OSMR: variants seen among roughly 807,000 people sequenced by gnomAD.
The protein encoded by OSMR is oncostatin M receptor, also known as oncostatin-M-specific receptor subunit beta.
In OSMR, 81 loss-of-function variants were observed where a neutral mutation model predicts 99.9. The observed-to-expected ratio is 0.81, with a 90% CI of 0.68 to 0.97. The LOEUF (loss-of-function observed/expected upper bound fraction) is 0.97. Among genes scored for constraint, OSMR ranks in the 50% least tolerant of loss-of-function variants. OSMR has a pLI of 0.00. For synonymous variants in OSMR, 406 were observed against 410.4 expected, an observed-to-expected ratio of 0.99 and a Z score of 0.13; for missense variants, 1,099 against 1,153.4, an observed-to-expected ratio of 0.95 and a Z score of 0.68.
Position 38,934,423 on chromosome 5 carries a change from C to A in OSMR, c.*979C>A, listed in dbSNP as rs1746922734. On this transcript the variant is annotated 3_prime_UTR_variant, in exon 18 of 18. Coordinates refer to ENST00000274276, the MANE Select transcript of OSMR (RefSeq NM_003999.3). ...ATTGTTGGACATAATTTAGATATAA[C>A]TAAAAAGTTCTATGAAGTGGGAAAT... 1 of 152,086 alleles carries A rather than the reference C, an allele frequency of 6.6e-6. No individual in the cohort carries two copies. The highest frequency in any genetic ancestry group is 2.4e-5 in the African/African-American group (1 of 41,402). 9.4% of individuals were successfully genotyped at this position (152,086 alleles called of 1,614,324 possible). A position where few individuals can be genotyped will look rare whatever the true frequency, so the allele number is the denominator to read the frequency against.
At chr5:38,912,146 T>A (rs1175821204) in intron 9 of OSMR, among the ~76,000 whole-genome samples, 1 of 151,504 alleles carries the variant, frequency 6.6e-6, no homozygotes, top group South Asian at 2.1e-4. Context: ...TGTTTGCAGG[T>A]GATATGATTG....
At chr5:38,893,634 A>T (rs1024669060) in intron 7 of OSMR, among the ~76,000 whole-genome samples, 16 of 151,920 alleles carry the variant, frequency 1.1e-4, no homozygotes, top group Non-Finnish European at 2.1e-4. Context: ...AGTAAAGATA[A>T]TTTTAAAAAA....
At chr5:38,927,438 A>G (rs748682075) in intron 15 of OSMR, among the ~76,000 whole-genome samples, 3 of 152,218 alleles carry the variant, frequency 2.0e-5, no homozygotes, top group Non-Finnish European at 4.4e-5. Flanking sequence ...CCAAACCTCA[A>G]TTCTTGACTT....
intron 9 of OSMR, among the ~76,000 whole-genome samples, chr5:38,908,199 G>C (rs1419586686): frequency 6.6e-6 from 1 of 152,150 alleles, no homozygotes; most frequent in Non-Finnish European, 1.5e-5. Context: ...TGCATGCATG[G>C]ATGCTGGCAA....
chr5:38,903,279 C>T (rs1220442306), intron 7 of OSMR, among the ~76,000 whole-genome samples: 3 of 152,230 alleles, frequency 2.0e-5, no homozygotes, highest in Non-Finnish European at 4.4e-5. Context: ...GTCCCCAAGG[C>T]TGCGGAGAGC....
chr5:38,944,321 T>C (rs1747935639), intron 2 of OSMR: 10 of 914,644 alleles, frequency 1.1e-5, no homozygotes, highest in Non-Finnish European at 1.6e-5. Context: ...CTCACACAGG[T>C]ATGCAATGCA....
At chr5:38,938,444 A>C (rs1747204485), downstream of OSMR, 6 of 231,774 alleles carry the variant, frequency 2.6e-5, no homozygotes, top group Admixed American at 3.4e-4. Flanking sequence ...GTGCTAAATC[A>C]ACCAAGTAGC....
chr5:38,881,908 A>C (rs1743320418), intron 4 of OSMR, 144 bp downstream of exon 4: 1 of 713,576 alleles, frequency 1.4e-6, no homozygotes, highest in Non-Finnish European at 2.4e-6. Flanking sequence ...GAACTAAAAA[A>C]CACAGGTGTG....
chr5:38,879,198 C>G (rs768313478), intron 3 of OSMR, among the ~76,000 whole-genome samples: 1 of 152,200 alleles, frequency 6.6e-6, no homozygotes, highest in Non-Finnish European at 1.5e-5. Context: ...CTGAGCAGGC[C>G]CAACAGGCAT....
At position 38,925,297 on chromosome 5, in the gene OSMR, T is replaced by C; in HGVS notation, c.2138T>C (p.Phe713Ser). The C allele has an allele frequency of 2.5e-6, 4 of 1,614,158 alleles. No individual in the cohort carries two copies. Among genetic ancestry groups the C allele is most frequent in the East Asian group, 2.2e-5 (1 of 44,862 alleles). Residue 713 changes from phenylalanine (F) to serine (S), a missense_variant, in exon 15 of 18, where the codon TTC (phenylalanine) becomes TCC (serine). Transcript: ENST00000274276. The part of the protein sequence containing the change: ...NLKPESFYEF[F>S]ITPFTSAGEG... ...AAGCCAGAATCCTTCTATGAGTTTT[T>C]CATCACTCCATTCACTAGTGCTGGT...
At chr5:38,939,734 TA>T (rs1395500392), downstream of OSMR, 6 of 228,486 alleles carry the variant, frequency 2.6e-5, no homozygotes, top group Non-Finnish European at 5.2e-5. Flanking sequence ...AGATTAATCC[TA>T]AAATCTTTAA....
intron 7 of OSMR, among the ~76,000 whole-genome samples, chr5:38,902,031 A>G (rs1744929193): frequency 6.6e-6 from 1 of 152,220 alleles, no homozygotes; most frequent in African/African-American, 2.4e-5. Flanking sequence ...AGCCTGTGAT[A>G]GTCCATGGTT....
chr5:38,912,675 ATAC>A (rs1300198725), intron 9 of OSMR, among the ~76,000 whole-genome samples: 2 of 152,210 alleles, frequency 1.3e-5, no homozygotes, highest in Non-Finnish European at 2.9e-5. Context: ...AGTTCAAACT[ATAC>A]TACAAGATTA....
chr5:38,861,932 C>G (rs1246841482), intron 1 of OSMR, among the ~76,000 whole-genome samples: 2 of 128,900 alleles, frequency 1.6e-5, no homozygotes, highest in Non-Finnish European at 3.4e-5. Flanking sequence ...GCTGACCCCC[C>G]CACCTCCCAC....
intron 1 of OSMR, among the ~76,000 whole-genome samples, chr5:38,858,899 G>T (rs922659766): frequency 6.6e-6 from 1 of 152,152 alleles, no homozygotes; most frequent in African/African-American, 2.4e-5. Flanking sequence ...TGGGCCATTT[G>T]TATGTCTTCT....
At chr5:38,943,019 C>T (rs546100824) in intron 1 of OSMR, 3 of 1,400,908 alleles carry the variant, frequency 2.1e-6, no homozygotes, top group African/African-American at 2.8e-5. Context: ...CATGATGTAT[C>T]TATTTTTCCT....
chr5:38,914,336 C>T (rs1293008185), intron 9 of OSMR, among the ~76,000 whole-genome samples: 2 of 152,082 alleles, frequency 1.3e-5, no homozygotes, highest in Non-Finnish European at 2.9e-5. Flanking sequence ...GGACACAAGT[C>T]AAAATGGCTA....
chr5:38,930,512 T>C (rs1397500381), intron 15 of OSMR, among the ~76,000 whole-genome samples: 1 of 152,124 alleles, frequency 6.6e-6, no homozygotes, highest in East Asian at 1.9e-4. Flanking sequence ...GGCAAATGGA[T>C]TGAACAGAAT....
intron 4 of OSMR, among the ~76,000 whole-genome samples, chr5:38,882,664 A>G (rs1470176518): frequency 1.3e-5 from 2 of 152,204 alleles, no homozygotes; most frequent in Non-Finnish European, 2.9e-5. Flanking sequence ...GGGGGGTGGA[A>G]TATGGAAAAA....
Sources: gnomAD v4.1 joint callset for allele counts (sites outside exome capture counted in the v4.1 genomes callset) on GRCh38, gnomAD v4.1.1 for gene constraint, MANE v1.5 for transcripts, NCBI Gene and HGNC (gene_info 2026-07-23, HGNC 2026-07-21) for gene names.